NXPH1: variants seen among roughly 807,000 people sequenced by gnomAD.
NXPH1 encodes the protein neurexophilin-1.
A neutral mutation model predicts 23.7 loss-of-function variants in NXPH1; 5 were observed. The observed-to-expected ratio is 0.21, with a 90% CI of 0.11 to 0.44. NXPH1 has a LOEUF of 0.44. Among genes scored for constraint, NXPH1 ranks in the 20% least tolerant of loss-of-function variants. The pLI is 0.99. For synonymous variants in NXPH1, 144 were observed against 122.2 expected (o/e 1.18, Z -1.18); for missense variants, 324 against 321.6 (o/e 1.01, Z -0.06).
In NXPH1 at chr7:8,710,864, G is replaced by T. The variant is rs899358589; in HGVS notation, c.55-40144G>T. ...TTTTTAGTAGAGACGGGGTTTCACC[G>T]TGTTAGCCAGGATGGTCTCGATCTC... is the stretch of plus-strand genomic sequence containing the variant. On this transcript the variant is annotated intron_variant, in intron 2 of 2. Coordinates refer to ENST00000405863, the MANE Select transcript of NXPH1 (RefSeq NM_152745.3). 5.7e-4 allele frequency among the ~76,000 whole-genome samples: 66 copies of T among 116,436 alleles called. 5 individuals are homozygous for T. The highest frequency in any genetic ancestry group is 4.7e-3 in the Middle Eastern group (1 of 212). 76.4% of individuals were successfully genotyped at this position (116,436 alleles called of 152,430 possible).
chr7:8,699,771 A>G (rs1779592598), intron 2 of NXPH1, among the ~76,000 whole-genome samples: 1 of 152,096 alleles, frequency 6.6e-6, no homozygotes, highest in Non-Finnish European at 1.5e-5. Context: ...TTGATTTTTA[A>G]CGTTTCCTTT....
intron 2 of NXPH1, among the ~76,000 whole-genome samples, chr7:8,483,725 A>G (rs1186769220): frequency 1.3e-5 from 2 of 152,280 alleles, no homozygotes; most frequent in Admixed American, 1.3e-4. Flanking sequence ...CCTCTTCTGA[A>G]AGTGTCCCAG....
intron 2 of NXPH1, among the ~76,000 whole-genome samples, chr7:8,729,918 C>G (rs1472746967): frequency 6.8e-6 from 1 of 146,878 alleles, no homozygotes; most frequent in Non-Finnish European, 1.5e-5. Flanking sequence ...TCTCGTTGAT[C>G]TGTCTAATGT....
chr7:8,587,343 C>T (rs1386072979), intron 2 of NXPH1, among the ~76,000 whole-genome samples: 1 of 151,276 alleles, frequency 6.6e-6, no homozygotes, highest in Non-Finnish European at 1.5e-5. Flanking sequence ...GCTATGTTGC[C>T]CAGGCTGGAG....
rs1816144871 is a variant in NXPH1 at position 8,434,063 on chromosome 7, T to G, written c.-803T>G. On this transcript the variant is annotated 5_prime_UTR_variant, in exon 1 of 3. Coordinates refer to ENST00000405863, the MANE Select transcript of NXPH1 (RefSeq NM_152745.3). This position sits in a 1 kb window ranked among gnomAD's most constrained non-coding sequence, Gnocchi z 7.6. ...CAAAGCGCTCCAGAGCGTCCCCGGG[T>G]GGCCGGGCAGCACCAGGGACAGCGC... 6.6e-6 allele frequency: 1 copy of G among 152,050 alleles called. No individual in the cohort carries two copies. The allele number at this position is 152,050 out of a possible 1,614,324, so 9.4% of individuals were successfully genotyped here.
chr7:8,638,139 A>T (rs982379921), intron 2 of NXPH1, among the ~76,000 whole-genome samples: 6 of 152,234 alleles, frequency 3.9e-5, no homozygotes, highest in African/African-American at 1.4e-4. Flanking sequence ...ATGCTGATCT[A>T]CTAAAGCAGA....
At chr7:8,496,242 C>T (rs1274052280) in intron 2 of NXPH1, among the ~76,000 whole-genome samples, 2 of 151,972 alleles carry the variant, frequency 1.3e-5, no homozygotes, top group East Asian at 1.9e-4. Flanking sequence ...ACACAAGACC[C>T]CTTCACCAAT....
At chr7:8,579,166 C>T (rs1818815186) in intron 2 of NXPH1, among the ~76,000 whole-genome samples, 1 of 152,114 alleles carries the variant, frequency 6.6e-6, no homozygotes, top group Non-Finnish European at 1.5e-5. Flanking sequence ...ATCCTTTCAT[C>T]TTTTAGTACT....
chr7:8,523,231 G>C (rs747768584), intron 2 of NXPH1, among the ~76,000 whole-genome samples: 8 of 152,180 alleles, frequency 5.3e-5, no homozygotes, highest in Non-Finnish European at 1.2e-4. Context: ...AGTTACAGCA[G>C]AGAGCCTATT....
At chr7:8,707,054 AAAAC>A (rs1350148837) in intron 2 of NXPH1, among the ~76,000 whole-genome samples, 1 of 152,216 alleles carries the variant, frequency 6.6e-6, no homozygotes, top group Non-Finnish European at 1.5e-5. Flanking sequence ...TAGAAATTAA[AAAAC>A]AAAAATATTT....
In NXPH1 at chr7:8,532,266, T is replaced by C. The variant is rs529927007; in HGVS notation, c.54+96499T>C. On this transcript the variant is annotated intron_variant, in intron 2 of 2. Coordinates refer to ENST00000405863, the MANE Select transcript of NXPH1 (RefSeq NM_152745.3). ...AATGTAAAATAGCTGCAAAGCAGTA[T>C]TGATGGAACAACACAGGATATAATT... is the stretch of plus-strand genomic sequence containing the variant. 2.2e-4 allele frequency among the ~76,000 whole-genome samples: 34 copies of C among 152,226 alleles called. 1 individual carries two copies. In the South Asian group the frequency reaches 6.8e-3, roughly 31 times the overall value.
rs753037832 is a variant in NXPH1 at position 8,751,066 on chromosome 7, G to A, written c.113G>A (p.Ser38Asn). The A allele has an allele frequency of 4.3e-6, 7 of 1,613,700 alleles. No homozygotes were observed. The highest frequency in any genetic ancestry group is 5.9e-6 in the Non-Finnish European group (7 of 1,179,782). ...TCAGAACTTCTGAAATCAGGAAGCAGCAAATCCACACTAAAGCACATATGG... is the reference window on the plus strand; with the variant it reads ...TCAGAACTTCTGAAATCAGGAAGCAACAAATCCACACTAAAGCACATATGG... ...GKSELLKSGSSKSTLKHIWTE... is the reference protein window; with the variant it reads ...GKSELLKSGSNKSTLKHIWTE... Residue 38 changes from serine (S) to asparagine (N), a missense_variant, in exon 3 of 3, where the codon AGC becomes AAC. Ser to Asn is a conservative substitution (Grantham distance 46). Coordinates refer to ENST00000405863, the MANE Select transcript of NXPH1 (RefSeq NM_152745.3). This position sits in a 1 kb window ranked among gnomAD's most constrained non-coding sequence, Gnocchi z 4.5.
intron 2 of NXPH1, among the ~76,000 whole-genome samples, chr7:8,743,903 C>G (rs1780423376): frequency 6.6e-6 from 1 of 152,042 alleles, no homozygotes; most frequent in South Asian, 2.1e-4. Flanking sequence ...CCAGGATGGT[C>G]TCTACCTCCC....
chr7:8,673,211 A>G (rs942234156), intron 2 of NXPH1, among the ~76,000 whole-genome samples: 3 of 152,206 alleles, frequency 2.0e-5, no homozygotes, highest in Admixed American at 6.6e-5. Context: ...TTGGCTTTAG[A>G]AAAAAAGTAT....
chr7:8,449,248 T>C (rs559586331), intron 2 of NXPH1, among the ~76,000 whole-genome samples: 4 of 152,208 alleles, frequency 2.6e-5, no homozygotes, highest in Non-Finnish European at 5.9e-5. Flanking sequence ...TCTCATATGC[T>C]GCTAAAAATA....
intron 2 of NXPH1, among the ~76,000 whole-genome samples, chr7:8,714,583 A>G (rs1261566130): frequency 6.6e-6 from 1 of 151,830 alleles, no homozygotes; most frequent in African/African-American, 2.4e-5. Context: ...TGTCTCGCCC[A>G]ATGCCCACAG....
intron 2 of NXPH1, among the ~76,000 whole-genome samples, chr7:8,625,775 G>C (rs1292868877): frequency 6.6e-6 from 1 of 152,028 alleles, no homozygotes; most frequent in Non-Finnish European, 1.5e-5. Context: ...TATGATTCAG[G>C]CATCATCTGT....
At chr7:8,743,990 T>G (rs1323313004) in intron 2 of NXPH1, among the ~76,000 whole-genome samples, 1 of 152,186 alleles carries the variant, frequency 6.6e-6, no homozygotes, top group Non-Finnish European at 1.5e-5. Flanking sequence ...TGCCAAAGCA[T>G]GGCAACTCTT....
chr7:8,690,939 C>T (rs993910056), intron 2 of NXPH1, among the ~76,000 whole-genome samples: 1 of 152,112 alleles, frequency 6.6e-6, no homozygotes, highest in Non-Finnish European at 1.5e-5. Context: ...GCCATTCATT[C>T]AGATTTGAAT....
Sources: gnomAD v4.1 joint callset for allele counts (sites outside exome capture counted in the v4.1 genomes callset) on GRCh38, gnomAD v4.1.1 for gene constraint, Gnocchi (gnomAD v3.1) non-coding constraint, MANE v1.5 for transcripts, NCBI Gene and HGNC (gene_info 2026-07-23, HGNC 2026-07-21) for gene names.